Variants in DPP10 observed in about 807,000 individuals in gnomAD.
DPP10 encodes inactive dipeptidyl peptidase 10.
A neutral mutation model predicts 120.9 loss-of-function variants in DPP10; 33 were observed. The observed-to-expected ratio is 0.27, with a 90% CI of 0.21 to 0.37. The LOEUF (loss-of-function observed/expected upper bound fraction) is 0.37, where lower values mean the gene tolerates loss of function less well. DPP10 is among the 10% of genes least tolerant of loss of function. The probability of loss-of-function intolerance (pLI) is 1.00; values close to 1 mark genes in which losing one functional copy is unlikely to be tolerated. For missense variants in DPP10, 816 were observed against 942.8 expected (o/e 0.87, Z 1.76); for synonymous variants, 337 against 326.1 (o/e 1.03, Z -0.36).
At chr2:115,833,509 T>C (rs1370845698) in intron 21 of DPP10, among the ~76,000 whole-genome samples, 1 of 152,206 alleles carries the variant, frequency 6.6e-6, no homozygotes, top group Non-Finnish European at 1.5e-5. Context: ...TGTTTCCACT[T>C]TTGCTTTATG....
chr2:114,749,734 C>G (rs891147290), intron 1 of DPP10, among the ~76,000 whole-genome samples: 1 of 151,928 alleles, frequency 6.6e-6, no homozygotes, highest in African/African-American at 2.4e-5. Flanking sequence ...AGCCACCACA[C>G]GCAGTCCAAG....
At chr2:114,776,905 T>C (rs1486646669) in intron 1 of DPP10, among the ~76,000 whole-genome samples, 2 of 151,886 alleles carry the variant, frequency 1.3e-5, no homozygotes, top group East Asian at 3.9e-4. Flanking sequence ...AAAAAGACTT[T>C]CTAAGGATCA....
At chr2:115,015,367 C>T (rs1558993906) in intron 1 of DPP10, among the ~76,000 whole-genome samples, 1 of 152,042 alleles carries the variant, frequency 6.6e-6, no homozygotes, top group Non-Finnish European at 1.5e-5. Flanking sequence ...AATAAGAGCT[C>T]TTTATGACAA....
At chr2:115,282,658 A>C (rs1210738270) in intron 1 of DPP10, among the ~76,000 whole-genome samples, 2 of 152,112 alleles carry the variant, frequency 1.3e-5, no homozygotes, top group African/African-American at 4.8e-5. Flanking sequence ...ATAGTTTCTC[A>C]CACCATCAAA....
intron 4 of DPP10, among the ~76,000 whole-genome samples, chr2:115,504,130 C>T (rs962416822): frequency 7.9e-5 from 12 of 152,174 alleles, no homozygotes; most frequent in Admixed American, 7.9e-4. Flanking sequence ...TGAGTAGGAT[C>T]ATTTGGCCTT....
chr2:114,625,993 AC>A (rs1315538950), intron 1 of DPP10, among the ~76,000 whole-genome samples: 2 of 150,316 alleles, frequency 1.3e-5, no homozygotes, highest in African/African-American at 2.5e-5. Context: ...AGCAGAGGAT[AC>A]TTTTTTTTTT....
chr2:115,245,017 T>C (rs2058470186), intron 1 of DPP10, among the ~76,000 whole-genome samples: 1 of 151,954 alleles, frequency 6.6e-6, no homozygotes, highest in African/African-American at 2.4e-5. Flanking sequence ...CCCCCGAGTC[T>C]CCAAAGTCCA....
At chr2:115,087,180 G>A (rs1488583097) in intron 1 of DPP10, among the ~76,000 whole-genome samples, 6 of 152,086 alleles carry the variant, frequency 3.9e-5, no homozygotes, top group Admixed American at 3.9e-4. Context: ...GATCCATAAT[G>A]GTATTTTTAA....
At chr2:115,448,722 G>A (rs1209568283) in intron 3 of DPP10, among the ~76,000 whole-genome samples, 2 of 152,048 alleles carry the variant, frequency 1.3e-5, no homozygotes, top group African/African-American at 4.8e-5. Context: ...TATGAATTGA[G>A]AAGTGCTCAT....
chr2:115,742,273 T>A (rs1183684417), intron 9 of DPP10, among the ~76,000 whole-genome samples: 1 of 152,150 alleles, frequency 6.6e-6, no homozygotes, highest in African/African-American at 2.4e-5. Context: ...CAATTTGTAT[T>A]TCCAAAAACA....
At chr2:114,827,154 G>T (rs1426873704) in intron 1 of DPP10, among the ~76,000 whole-genome samples, 1 of 152,096 alleles carries the variant, frequency 6.6e-6, no homozygotes, top group African/African-American at 2.4e-5. Flanking sequence ...GGAGTTTGCA[G>T]ATACTGTTTT....
At chr2:115,556,376 T>TC (rs2080214193) in intron 5 of DPP10, among the ~76,000 whole-genome samples, 1 of 150,318 alleles carries the variant, frequency 6.7e-6, no homozygotes. Context: ...TTTTTTTTTT[T>TC]TTTTTTCTCA....
chr2:115,289,503 A>AAAAAAAAAAAAAAAAT (rs70941042), intron 1 of DPP10, among the ~76,000 whole-genome samples: 3 of 96,266 alleles, frequency 3.1e-5, no homozygotes, highest in Admixed American at 1.2e-4. Flanking sequence ...AAAAAAAAAA[A>AAAAAAAAAAAAAAAAT]AGGAAGAAAA....
At chr2:115,329,464 T>A (rs753223333) in intron 2 of DPP10, among the ~76,000 whole-genome samples, 1 of 152,134 alleles carries the variant, frequency 6.6e-6, no homozygotes, top group Non-Finnish European at 1.5e-5. Flanking sequence ...TTATTTAAGT[T>A]CTAGGGTACA....
intron 19 of DPP10, among the ~76,000 whole-genome samples, chr2:115,792,466 TTC>T (rs1332534278): frequency 2.0e-5 from 3 of 152,122 alleles, no homozygotes; most frequent in African/African-American, 4.8e-5. Flanking sequence ...ATATTTAATT[TTC>T]TCTCTCACTC....
At chr2:115,333,390 G>A (rs559548896) in intron 2 of DPP10, among the ~76,000 whole-genome samples, 2 of 152,248 alleles carry the variant, frequency 1.3e-5, no homozygotes, top group Non-Finnish European at 2.9e-5. Flanking sequence ...TTGCCAGTCT[G>A]TGTCTTTTAA....
intron 1 of DPP10, among the ~76,000 whole-genome samples, chr2:115,174,065 A>T (rs2053542213): frequency 6.6e-6 from 1 of 152,132 alleles, no homozygotes; most frequent in African/African-American, 2.4e-5. Context: ...CTGGTTTAGG[A>T]TTTTATTTTT....
At position 115,810,141 on chromosome 2, in the gene DPP10, G is replaced by A. The variant is rs137966085; in HGVS notation, c.1701-4652G>A. On this transcript the variant is annotated intron_variant, in intron 19 of 25. Coordinates refer to ENST00000410059, the MANE Select transcript of DPP10 (RefSeq NM_020868.6). ...CGCACCACTGCACTCCAGCCTGGGC[G>A]ACAGAGCGAGACTCCATCTCGAAAA... Among the ~76,000 whole-genome samples the A allele has an allele frequency of 8.2e-3, 1,226 of 149,982 alleles. 10 individuals carry two copies. Among genetic ancestry groups the A allele is most frequent in the Admixed American group, 0.016 (235 of 15,024 alleles).
At chr2:114,696,277 A>G (rs1466878050) in intron 1 of DPP10, among the ~76,000 whole-genome samples, 2 of 152,066 alleles carry the variant, frequency 1.3e-5, no homozygotes, top group Non-Finnish European at 1.5e-5. Context: ...AAATTAGGAG[A>G]AAAAAGAATA....
Sources: allele counts gnomAD v4.1 joint callset (sites outside exome capture counted in the v4.1 genomes callset), GRCh38; gene constraint gnomAD v4.1.1; transcripts MANE v1.5; gene names NCBI Gene and HGNC (gene_info 2026-07-23, HGNC 2026-07-21).